Variants in FBN1 observed in about 807,000 individuals in gnomAD.
FBN1 encodes fibrillin 1.
FBN1 carries 29 observed loss-of-function variants against 365.1 expected under a neutral mutation model. The ratio of observed to expected loss-of-function variants is 0.08; its 90% CI spans 0.06 to 0.11. FBN1 has a LOEUF of 0.11. FBN1 is among the 10% of genes least tolerant of loss of function. The pLI is 1.00. For missense variants in FBN1, 2,476 were observed against 3,703.2 expected, an observed-to-expected ratio of 0.67 and a Z score of 8.60; for synonymous variants, 1,210 against 1,270.5, an observed-to-expected ratio of 0.95 and a Z score of 1.01.
chr15:48,568,603 G>A (rs1434544408), intron 6 of FBN1, among the ~76,000 whole-genome samples: 1 of 152,014 alleles, frequency 6.6e-6, no homozygotes, highest in Non-Finnish European at 1.5e-5. Flanking sequence ...TTACTACAAA[G>A]CAACAGTAAT....
chr15:48,443,540 A>C (rs1277754537), intron 49 of FBN1, among the ~76,000 whole-genome samples: 2 of 152,172 alleles, frequency 1.3e-5, no homozygotes, highest in Non-Finnish European at 2.9e-5. Context: ...AATTTCAATA[A>C]GGTGTTTCCA....
At chr15:48,490,188 C>A in intron 24 of FBN1, 110 bp from the exon 25 acceptor site, 1 of 957,868 alleles carries the variant, frequency 1.0e-6, no homozygotes, top group Non-Finnish European at 1.6e-6. Flanking sequence ...TTGCTGTATA[C>A]TTATTGACTG....
chr15:48,600,375 A>C (rs1290496730), intron 4 of FBN1, 141 bp from the exon 5 acceptor site: 1 of 707,404 alleles, frequency 1.4e-6, no homozygotes, highest in Non-Finnish European at 2.5e-6. Context: ...ATAATGACCT[A>C]ATTGAGAATG....
rs193922219 is a variant in FBN1, at chr15:48,446,701, C to T, written c.5788+5G>A. 4 of 1,578,482 alleles carry T rather than the reference C, an allele frequency of 2.5e-6. No individual in the cohort carries two copies. The highest frequency in any genetic ancestry group is 3.5e-6 in the Non-Finnish European group (4 of 1,147,998). On this transcript the variant is annotated splice_donor_5th_base_variant and intron_variant, in intron 47 of 65. Transcript: ENST00000316623. ...CTTTGCTGATGCACAATTTTGCACA[C>T]GCACCTATACAGTCATTGTTGTGAG... is the stretch of plus-strand genomic sequence containing the variant.
chr15:48,436,896 AG>A, intron 53 of FBN1, 64 bp downstream of exon 53: 2 of 983,536 alleles, frequency 2.0e-6, no homozygotes, highest in Non-Finnish European at 3.3e-6. Context: ...ATGGCTATAC[AG>A]TGAATACTGT....
intron 43 of FBN1, among the ~76,000 whole-genome samples, chr15:48,459,995 C>T (rs1355670463): frequency 2.0e-5 from 3 of 152,318 alleles, no homozygotes; most frequent in Middle Eastern, 3.4e-3. Flanking sequence ...GTTGGTGTAA[C>T]TATGCTTGAT....
chr15:48,595,572 G>A (rs891712285), intron 6 of FBN1, among the ~76,000 whole-genome samples: 1 of 152,140 alleles, frequency 6.6e-6, no homozygotes, highest in African/African-American at 2.4e-5. Context: ...AGGCAAATCA[G>A]GTAGAATGTT....
intron 56 of FBN1, among the ~76,000 whole-genome samples, chr15:48,430,017 C>T (rs1324688776): frequency 6.6e-6 from 1 of 152,166 alleles, no homozygotes; most frequent in African/African-American, 2.4e-5. Flanking sequence ...CTTAGCTCTG[C>T]CATTGTGGCA....
intron 6 of FBN1, among the ~76,000 whole-genome samples, chr15:48,581,398 A>T (rs1024759854): frequency 3.3e-5 from 5 of 152,220 alleles, no homozygotes; most frequent in African/African-American, 4.8e-5. Flanking sequence ...AAATTCCAAC[A>T]GAAGGATGTC....
At chr15:48,508,556 A>G in intron 15 of FBN1, 26 bp downstream of exon 15, 3 of 1,613,588 alleles carry the variant, frequency 1.9e-6, no homozygotes, top group Non-Finnish European at 2.5e-6. Context: ...CGTGAAGAAC[A>G]TGATCTAGGG....
At position 48,472,583 on chromosome 15, in the gene FBN1, A is replaced by G. The variant is rs1417057509; in HGVS notation, c.4304T>C (p.Phe1435Ser). The G allele has an allele frequency of 1.9e-6, 3 of 1,614,054 alleles. No homozygotes were observed. The highest frequency in any genetic ancestry group is 2.5e-6 in the Non-Finnish European group (3 of 1,180,030). ...GGCTTTCCCGTCAGCACTGGGCACG[A>G]AGCCCATGTCGCATTCACAGCGGTA... is the stretch of plus-strand genomic sequence containing the variant. The part of the protein sequence containing the change: ...GGYRCECDMG[F>S]VPSADGKACE... The change falls in exon 35 of 66, where the codon TTC (phenylalanine) becomes TCC (serine). Residue 1435 changes from phenylalanine to serine, a missense_variant. Physicochemically the swap from Phe to Ser is radical, Grantham distance 155. This residue lies in a region of FBN1 where 1,780 missense variants were observed against 2,840.8 expected (regional missense o/e 0.63). Coordinates refer to ENST00000316623, the MANE Select transcript of FBN1 (RefSeq NM_000138.5).
rs1197575122 is a variant in FBN1, at chr15:48,520,644, T to C, written c.1147+15A>G. 1.2e-6 allele frequency: 2 copies of C among 1,613,638 alleles called. No homozygotes were observed. Among genetic ancestry groups the C allele is most frequent in the African/African-American group, 2.7e-5 (2 of 74,894 alleles). On this transcript the variant is annotated intron_variant, in intron 10 of 65. Coordinates refer to ENST00000316623, the MANE Select transcript of FBN1 (RefSeq NM_000138.5). ...TGGGATGGGATATTCTGCAGATAACTGGAAGGGCTCTTACCGGTTGCTCTG... is the reference window on the plus strand; with the variant it reads ...TGGGATGGGATATTCTGCAGATAACCGGAAGGGCTCTTACCGGTTGCTCTG...
chr15:48,601,517 T>C (rs1443852475), intron 4 of FBN1, among the ~76,000 whole-genome samples: 1 of 152,174 alleles, frequency 6.6e-6, no homozygotes, highest in Non-Finnish European at 1.5e-5. Context: ...GAATATCTTC[T>C]TTCTACACAA....
chr15:48,429,355 T>A (rs1253992284), intron 56 of FBN1, among the ~76,000 whole-genome samples: 1 of 152,212 alleles, frequency 6.6e-6, no homozygotes, highest in East Asian at 1.9e-4. Context: ...TCAACAATAT[T>A]ATTAAGAAAT....
At chr15:48,459,721 G>T (rs932661088) in intron 43 of FBN1, among the ~76,000 whole-genome samples, 4 of 152,214 alleles carry the variant, frequency 2.6e-5, no homozygotes, top group Admixed American at 6.5e-5. Flanking sequence ...CCAATGTTGT[G>T]TTCTCTGCTT....
At chr15:48,435,776 G>GTGTGTATATATATGTATATA (rs2043066384) in intron 53 of FBN1, among the ~76,000 whole-genome samples, 1 of 28,526 alleles carries the variant, frequency 3.5e-5, no homozygotes, top group African/African-American at 1.1e-4. Context: ...GTGTATATGT[G>GTGTGTATATATATGTATATA]TGTGTGTGTG....
At chr15:48,612,654 C>T (rs983224659) in intron 3 of FBN1, among the ~76,000 whole-genome samples, 4 of 152,142 alleles carry the variant, frequency 2.6e-5, no homozygotes, top group Non-Finnish European at 5.9e-5. Context: ...ATTCAATGTA[C>T]AGGGTTTGGT....
rs545057364 is a variant in FBN1 at position 48,562,470 on chromosome 15, G to A, written c.539-24662C>T. The stretch of plus-strand genomic sequence containing the variant: ...AGTCAATGTAAGAGAACTCCAAATG[G>A]AATACCCTTTTGTGCATGGGCATGA... On this transcript the variant is annotated intron_variant, in intron 6 of 65. Transcript: ENST00000316623. Among the ~76,000 whole-genome samples the A allele has an allele frequency of 3.9e-5, 6 of 152,248 alleles. No homozygotes were observed. In the South Asian group the frequency reaches 1.0e-3, roughly 26 times the overall value.
At chr15:48,634,491 T>A (rs1479075288) in intron 2 of FBN1, among the ~76,000 whole-genome samples, 1 of 152,068 alleles carries the variant, frequency 6.6e-6, no homozygotes, top group Non-Finnish European at 1.5e-5. Context: ...CCAGCCTAGG[T>A]CCACTGGCTG....
Sources: allele counts gnomAD v4.1 joint callset (sites outside exome capture counted in the v4.1 genomes callset), GRCh38; gene constraint gnomAD v4.1.1; regional missense constraint gnomAD v4.1.1; transcripts MANE v1.5; gene names NCBI Gene and HGNC (gene_info 2026-07-23, HGNC 2026-07-21).